Variants in DRC3 observed in about 807,000 individuals in gnomAD.
The protein encoded by DRC3 is leucine rich repeat containing 48.
DRC3 carries 45 observed loss-of-function variants against 57.6 expected under a neutral mutation model. The observed-to-expected ratio is 0.78, with a 90% CI of 0.62 to 1.00. The LOEUF is 1.00. DRC3 is among the 50% of genes least tolerant of loss of function. The pLI, the probability that DRC3 is intolerant of heterozygous loss-of-function variation, is 0.00. For missense variants in DRC3, 655 were observed against 675.2 expected (o/e 0.97, Z 0.33); for synonymous variants, 257 against 272.3 (o/e 0.94, Z 0.55).
At position 18,016,585 on chromosome 17, in the gene DRC3, C is replaced by T. The variant is rs113192268; in HGVS notation, c.1486C>T (p.Arg496Cys). ...RIHKDEIMRN[R>C]KRVKEINQYI... ...TCACAAGGATGAGATCATGAGGAAC[C>T]GCAAGCGCGTGAAGGAGATCAATCA... The change falls in exon 14 of 14, where the codon CGC becomes TGC. Residue 496 changes from arginine to cysteine, a missense_variant. Coordinates refer to ENST00000399187, the MANE Select transcript of DRC3 (RefSeq NM_031294.4). 6.7e-5 allele frequency: 108 copies of T among 1,613,730 alleles called. No homozygotes were observed. In the African/African-American group the frequency reaches 8.5e-4, roughly 13 times the overall value.
chr17:18,009,932 G>C (rs1314139591), intron 12 of DRC3, among the ~76,000 whole-genome samples: 4 of 152,218 alleles, frequency 2.6e-5, no homozygotes, highest in Non-Finnish European at 5.9e-5. Flanking sequence ...AGAGAGCCTG[G>C]AGCTGGCACT....
chr17:17,993,273 C>A, intron 6 of DRC3: 1 of 190,546 alleles, frequency 5.2e-6, no homozygotes, highest in Non-Finnish European at 1.1e-5. Flanking sequence ...ATCGCTTGAG[C>A]CAAGGAGTTC....
rs779699710 is a variant in DRC3 at position 18,016,615 on chromosome 17, A to G, written c.1516A>G (p.Ile506Val). Reference protein sequence around the residue: ...RKRVKEINQYIDHMQSELDNL... With the variant: ...RKRVKEINQYVDHMQSELDNL... ...GCGCGTGAAGGAGATCAATCAGTACATCGACCACATGCAGAGCGAACTGGA... is the reference window on the plus strand; with the variant it reads ...GCGCGTGAAGGAGATCAATCAGTACGTCGACCACATGCAGAGCGAACTGGA... Residue 506 changes from isoleucine (I) to valine (V), a missense_variant, in exon 14 of 14, where the codon ATC becomes GTC. By Grantham distance (29) the Ile-to-Val change is conservative. Transcript: ENST00000399187. 9.9e-6 allele frequency: 16 copies of G among 1,613,962 alleles called. No homozygotes were observed. The East Asian group carries it at 3.1e-4, about 31-fold the overall frequency.
intron 12 of DRC3, chr17:18,010,880 C>T (rs773328590): frequency 5.0e-5 from 18 of 357,988 alleles, no homozygotes; most frequent in Non-Finnish European, 9.3e-5. Flanking sequence ...CTCTTCTCCC[C>T]GCCCATCAAG....
chr17:18,006,861 A>C, intron 11 of DRC3, 163 bp from the exon 12 acceptor site: 1 of 1,040,102 alleles, frequency 9.6e-7, no homozygotes, highest in Non-Finnish European at 1.4e-6. Flanking sequence ...AGGGGCAGGG[A>C]GTCGAGGAAG....
At chr17:18,014,394 G>A (rs2044283294) in intron 12 of DRC3, among the ~76,000 whole-genome samples, 1 of 152,272 alleles carries the variant, frequency 6.6e-6, no homozygotes, top group South Asian at 2.1e-4. Context: ...AGAGGGATCT[G>A]GAATATTCTA....
rs2044054970 is a variant in DRC3 at position 18,008,367 on chromosome 17, CT to C, written c.1326+1221del. 2.0e-5 allele frequency among the ~76,000 whole-genome samples: 3 copies of C among 152,206 alleles called. No individual in the cohort carries two copies. In the South Asian group the frequency reaches 6.2e-4, roughly 31 times the overall value. ...CTCATCATAGTTTCAAACTACCTGG[CT>C]GATGTGTATTTGCTGCTGATGTGAC... On this transcript the variant is annotated intron_variant, in intron 12 of 13. Transcript: ENST00000399187. The surrounding 1 kb of genome is among the most constrained non-coding windows in gnomAD (Gnocchi z 4.3).
chr17:18,007,693 G>C (rs1381983324), intron 12 of DRC3: 2 of 1,319,778 alleles, frequency 1.5e-6, no homozygotes, highest in Non-Finnish European at 1.9e-6. Context: ...TCTGCGCTGG[G>C]TCCCGCGGCA....
intron 9 of DRC3, among the ~76,000 whole-genome samples, chr17:18,001,025 G>A (rs1190285985): frequency 6.6e-6 from 1 of 151,770 alleles, no homozygotes; most frequent in Non-Finnish European, 1.5e-5. Context: ...TCAGCCTCCT[G>A]AGTAGCTGGG....
intron 8 of DRC3, among the ~76,000 whole-genome samples, chr17:17,996,451 A>G (rs1361177164): frequency 1.3e-5 from 2 of 152,238 alleles, no homozygotes; most frequent in Non-Finnish European, 2.9e-5. Context: ...GGAAACTCCC[A>G]TATTTAAAAC....
chr17:17,973,998 A>G (rs761878501), intron 2 of DRC3, 36 bp downstream of exon 2: 4 of 152,300 alleles, frequency 2.6e-5, no homozygotes, highest in Admixed American at 6.5e-5. Flanking sequence ...GTGGTAAACT[A>G]TAAGATCCCC....
At chr17:17,983,390 G>A (rs187293872) in intron 3 of DRC3, among the ~76,000 whole-genome samples, 2 of 152,288 alleles carry the variant, frequency 1.3e-5, no homozygotes, top group East Asian at 3.9e-4. Context: ...GCTGAATGAG[G>A]CAATCAACCC....
At chr17:18,016,341 GACA>G in intron 13 of DRC3, 146 bp downstream of exon 13, 1 of 979,244 alleles carries the variant, frequency 1.0e-6, no homozygotes. Flanking sequence ...CCACACTGAA[GACA>G]ACATTGCCCA....
intron 9 of DRC3, among the ~76,000 whole-genome samples, chr17:18,003,903 G>A (rs947425511): frequency 1.2e-4 from 18 of 150,958 alleles, no homozygotes; most frequent in Admixed American, 1.3e-4. Flanking sequence ...CACCCACCTC[G>A]GCCTCCCAAA....
chr17:17,978,628 G>A (rs777488750), intron 3 of DRC3, among the ~76,000 whole-genome samples: 4 of 152,220 alleles, frequency 2.6e-5, no homozygotes, highest in African/African-American at 4.8e-5. Context: ...CAGAGCCAGG[G>A]ACACGACAGT....
intron 5 of DRC3, among the ~76,000 whole-genome samples, chr17:17,989,805 G>A (rs565412580): frequency 2.6e-5 from 4 of 152,344 alleles, no homozygotes; most frequent in Non-Finnish European, 5.9e-5. Context: ...CTTTTGGGCT[G>A]GGTGGGCTTC....
At chr17:17,985,216 C>G (rs1348969408) in intron 4 of DRC3, among the ~76,000 whole-genome samples, 1 of 152,214 alleles carries the variant, frequency 6.6e-6, no homozygotes, top group Non-Finnish European at 1.5e-5. Flanking sequence ...TCTTGGTTCC[C>G]TCCCTAACAG....
chr17:18,013,829 G>C (rs1261936536), intron 12 of DRC3, among the ~76,000 whole-genome samples: 1 of 152,130 alleles, frequency 6.6e-6, no homozygotes, highest in Non-Finnish European at 1.5e-5. Context: ...GTTTGAGACG[G>C]ATATGCTAAT....
At chr17:17,983,197 A>G (rs1207501141) in intron 3 of DRC3, among the ~76,000 whole-genome samples, 1 of 152,196 alleles carries the variant, frequency 6.6e-6, no homozygotes, top group Non-Finnish European at 1.5e-5. Flanking sequence ...TCGTTCTTGC[A>G]TGGATGACTT....
Sources: allele counts gnomAD v4.1 joint callset (sites outside exome capture counted in the v4.1 genomes callset), GRCh38; gene constraint gnomAD v4.1.1; non-coding constraint Gnocchi (gnomAD v3.1); transcripts MANE v1.5; gene names NCBI Gene and HGNC (gene_info 2026-07-23, HGNC 2026-07-21).